The following C16orf96 variants were observed in gnomAD, a reference collection of about 807,000 sequenced individuals.
The protein encoded by C16orf96 is uncharacterized protein C16orf96.
In C16orf96, 108 loss-of-function variants were observed where a neutral mutation model predicts 103.6. The observed-to-expected ratio is 1.04, with a 90% CI of 0.89 to 1.22. The LOEUF is 1.22. Among genes scored for constraint, C16orf96 ranks in the 50% most tolerant of loss-of-function variants. The pLI, the probability that C16orf96 is intolerant of heterozygous loss-of-function variation, is 0.00. For synonymous variants in C16orf96, 566 were observed against 593.5 expected, an observed-to-expected ratio of 0.95 and a Z score of 0.67; for missense variants, 1,586 against 1,464.2, an observed-to-expected ratio of 1.08 and a Z score of -1.36.
At chr16:4,572,172 G>A (rs1402016443) in intron 2 of C16orf96, among the ~76,000 whole-genome samples, 1 of 151,974 alleles carries the variant, frequency 6.6e-6, no homozygotes, top group East Asian at 1.9e-4. Flanking sequence ...TTCTACCCCA[G>A]TGTGTTAAAA....
intron 7 of C16orf96, among the ~76,000 whole-genome samples, chr16:4,581,141 CATATATATATAT>C (rs58065868): frequency 0.042 from 1,940 of 46,740 alleles, 82 homozygotes; most frequent in African/African-American, 0.097. Flanking sequence ...TATATGTATA[CATATATATATAT>C]ATATATATAT....
chr16:4,592,185 G>A (rs1189221254), intron 10 of C16orf96, 120 bp from the exon 11 acceptor site: 12 of 1,224,968 alleles, frequency 9.8e-6, no homozygotes, highest in Middle Eastern at 2.1e-4. Context: ...GGGCCTGTGG[G>A]GCTGAGCTGG....
intron 14 of C16orf96, among the ~76,000 whole-genome samples, chr16:4,595,853 C>T (rs1207227829): frequency 1.3e-5 from 2 of 151,906 alleles, no homozygotes; most frequent in Non-Finnish European, 2.9e-5. Context: ...ATAACAGGCA[C>T]GCACCACCAC....
chr16:4,563,412 C>A (rs1342182001), intron 1 of C16orf96, among the ~76,000 whole-genome samples: 1 of 152,144 alleles, frequency 6.6e-6, no homozygotes, highest in Non-Finnish European at 1.5e-5. Flanking sequence ...CCTGTGCCAC[C>A]ACACTGGCTA....
At chr16:4,551,493 C>T (rs2059227337), upstream of C16orf96, among the ~76,000 whole-genome samples, 2 of 152,110 alleles carry the variant, frequency 1.3e-5, no homozygotes, top group African/African-American at 4.8e-5. Context: ...GCTCTGTCGC[C>T]CAGGCTGGAG....
intron 1 of C16orf96, chr16:4,562,751 T>A (rs1322986744): frequency 2.3e-5 from 17 of 741,132 alleles, no homozygotes; most frequent in Non-Finnish European, 3.4e-5. Context: ...CAAAAGCCAA[T>A]GTAAAAAGAC....
chr16:4,581,618 G>A (rs1169191824), intron 7 of C16orf96, among the ~76,000 whole-genome samples: 1 of 151,936 alleles, frequency 6.6e-6, no homozygotes, highest in African/African-American at 2.4e-5. Flanking sequence ...GGGCGACAGA[G>A]CAAGACTCCG....
rs116244535 is a variant in C16orf96 at position 4,595,198 on chromosome 16, G to A, written c.3127+395G>A. ...TAGGACTTAGCTGGATGAAGGGGTC[G>A]GGTGAGAGGAGAGTGGTCGTGTGGC... On this transcript the variant is annotated intron_variant, in intron 14 of 15. Transcript: ENST00000444310. Among the ~76,000 whole-genome samples, 407 of 152,258 alleles carry A rather than the reference G, an allele frequency of 2.7e-3. 2 individuals are homozygous for A. The highest frequency in any genetic ancestry group is 9.6e-3 in the African/African-American group (399 of 41,544).
rs12932413 is a variant in C16orf96 at position 4,600,550 on chromosome 16, C to G, written c.*233C>G. 2.7e-4 allele frequency: 125 copies of G among 470,078 alleles called. No individual in the cohort carries two copies. Among genetic ancestry groups the G allele is most frequent in the African/African-American group, 2.0e-3 (97 of 49,652 alleles). The allele number at this position is 470,078 out of a possible 1,614,324, so 29.1% of individuals were successfully genotyped here. A position where few individuals can be genotyped will look rare whatever the true frequency, so the allele number is the denominator to read the frequency against. ...GAGGCTGAGACCCATATGCCCCCCC[C>G]ACCCCCACCAAGTCCCGTCCCCGGC... On this transcript the variant is annotated 3_prime_UTR_variant, in exon 16 of 16. Transcript: ENST00000444310.
At chr16:4,559,361 C>A (rs1195155442) in intron 1 of C16orf96, among the ~76,000 whole-genome samples, 1 of 151,662 alleles carries the variant, frequency 6.6e-6, no homozygotes, top group Non-Finnish European at 1.5e-5. Context: ...TGGCCAACAT[C>A]ATGAAAACCC....
chr16:4,556,115 T>C (rs1366760758), upstream of C16orf96, among the ~76,000 whole-genome samples: 1 of 152,158 alleles, frequency 6.6e-6, no homozygotes, highest in Non-Finnish European at 1.5e-5. Flanking sequence ...TCTCCATCCC[T>C]TCCATATGTG....
At chr16:4,544,724 G>A in the C16orf96 span, among the ~76,000 whole-genome samples, 1 of 152,172 alleles carries the variant, frequency 6.6e-6, no homozygotes, top group Admixed American at 6.5e-5. Context: ...TGCTCATAGT[G>A]CCTGGCACAC....
chr16:4,577,576 A>G (rs1187956064), intron 5 of C16orf96, among the ~76,000 whole-genome samples: 2 of 151,532 alleles, frequency 1.3e-5, no homozygotes, highest in Non-Finnish European at 2.9e-5. Context: ...GCGTGAACCC[A>G]GGAGGCGAAG....
chr16:4,594,310 C>G, intron 12 of C16orf96, 41 bp from the exon 13 acceptor site: 2 of 1,542,992 alleles, frequency 1.3e-6, no homozygotes, highest in Non-Finnish European at 8.8e-7. Flanking sequence ...CTCTGGGGTA[C>G]AGGGTCTCCA....
Position 4,593,267 on chromosome 16 carries a change from C to T in C16orf96, c.2818C>T (p.Arg940Trp), listed in dbSNP as rs1017590510. 11 of 1,550,818 alleles carry T rather than the reference C, an allele frequency of 7.1e-6. No homozygotes were observed. Among genetic ancestry groups the T allele is most frequent in the Admixed American group, 3.9e-5 (2 of 50,966 alleles). ...IRKAHLLSRL[R>W]PASANSCEYL... The stretch of plus-strand genomic sequence containing the variant: ...CAAAGCCCACCTGCTGTCCCGGCTG[C>T]GGCCAGCCAGCGCCAACAGCTGCGA... The change falls in exon 12 of 16, where the codon CGG becomes TGG. Residue 940 changes from arginine to tryptophan, a missense_variant. Arg to Trp is a moderately radical substitution (Grantham distance 101). Transcript: ENST00000444310. This position sits in a 1 kb window ranked among gnomAD's most constrained non-coding sequence, Gnocchi z 4.2.
At chr16:4,586,708 C>G (rs1896935719) in intron 7 of C16orf96, among the ~76,000 whole-genome samples, 1 of 152,182 alleles carries the variant, frequency 6.6e-6, no homozygotes, top group Non-Finnish European at 1.5e-5. Context: ...CAGGACAGAT[C>G]AGAAGTAGTA....
intron 1 of C16orf96, among the ~76,000 whole-genome samples, chr16:4,570,078 G>C (rs1360909655): frequency 6.6e-6 from 1 of 150,730 alleles, no homozygotes; most frequent in African/African-American, 2.4e-5. Context: ...TAAAGCCAGG[G>C]CGCTTTGTGC....
rs1201243098 is a variant in C16orf96 at position 4,575,656 on chromosome 16, C to G, written c.1176C>G (p.Arg392=). The change falls in exon 5 of 16, where the codon CGC becomes CGG. Residue 392 remains arginine (R), a synonymous_variant. Transcript: ENST00000444310. ...PLGDWPALPR[R]WPLPQGWPRV... is the part of the protein sequence containing the mutation. ...GAGACTGGCCTGCACTCCCAAGACG[C>G]TGGCCTCTTCCCCAAGGCTGGCCCA... is the stretch of plus-strand genomic sequence containing the variant. The G allele has an allele frequency of 6.5e-7, 1 of 1,535,628 alleles. No homozygotes were observed. Among genetic ancestry groups the G allele is most frequent in the African/African-American group, 1.4e-5 (1 of 72,666 alleles).
Position 4,587,656 on chromosome 16 carries a change from T to A in C16orf96, c.2428-511T>A, listed in dbSNP as rs537872222. 1.7e-4 allele frequency among the ~76,000 whole-genome samples: 26 copies of A among 151,994 alleles called. No homozygotes were observed. In the East Asian group the frequency reaches 4.6e-3, roughly 27 times the overall value. ...CTACTTGAAAATCACACATCAGCTG[T>A]GCACAGGGTGGCTCATACCTGTAAT... On this transcript the variant is annotated intron_variant, in intron 8 of 15. Transcript: ENST00000444310.
Sources: allele counts gnomAD v4.1 joint callset (sites outside exome capture counted in the v4.1 genomes callset), GRCh38; gene constraint gnomAD v4.1.1; non-coding constraint Gnocchi (gnomAD v3.1); transcripts MANE v1.5; gene names NCBI Gene and HGNC (gene_info 2026-07-23, HGNC 2026-07-21).